CERS6: variants seen among roughly 807,000 people sequenced by gnomAD.
CERS6 encodes LAG1 homolog, ceramide synthase 6.
In CERS6, 26 loss-of-function variants were observed where a neutral mutation model predicts 56.8. The observed-to-expected ratio is 0.46, with a 90% CI of 0.34 to 0.63. The LOEUF (loss-of-function observed/expected upper bound fraction) is 0.63, where lower values mean the gene tolerates loss of function less well. CERS6 is among the 30% of genes least tolerant of loss of function. CERS6 has a pLI of 0.01. For synonymous variants in CERS6, 164 were observed against 173.3 expected (o/e 0.95, Z 0.42); for missense variants, 415 against 467.5 (o/e 0.89, Z 1.04).
intron 8 of CERS6, among the ~76,000 whole-genome samples, chr2:168,752,556 T>G (rs1684304744): frequency 6.6e-6 from 1 of 152,216 alleles, no homozygotes. Flanking sequence ...TGTATTCATA[T>G]TCCTGGTTGC....
At position 168,774,542 on chromosome 2, in the gene CERS6, A is replaced by G. The variant is rs1269682452; in HGVS notation, c.*4880A>G. 6.6e-6 allele frequency: 1 copy of G among 152,196 alleles called. No homozygotes were observed. The highest frequency in any genetic ancestry group is 1.9e-4 in the East Asian group (1 of 5,194). The allele number at this position is 152,196 out of a possible 1,614,324, so 9.4% of individuals were successfully genotyped here. The stretch of plus-strand genomic sequence containing the variant: ...AACTATTGAGATGGTTTCTGTGTTC[A>G]GTGAAAAATTCTATTTCATTGAGAC... On this transcript the variant is annotated 3_prime_UTR_variant, in exon 10 of 10. Transcript: ENST00000305747.
Position 168,658,974 on chromosome 2 carries a change from C to T in CERS6, c.465+27932C>T, listed in dbSNP as rs1046876131. Reference sequence around the variant, plus strand: ...TCTTGTGAAACCTGTCACTGGATATCGTGAGAATATCAGGATACCCTGTAT... The same window carrying T: ...TCTTGTGAAACCTGTCACTGGATATTGTGAGAATATCAGGATACCCTGTAT... On this transcript the variant is annotated intron_variant, in intron 4 of 9. Coordinates refer to ENST00000305747, the MANE Select transcript of CERS6 (RefSeq NM_203463.3). Among the ~76,000 whole-genome samples, 14 of 152,310 alleles carry T rather than the reference C, an allele frequency of 9.2e-5. No homozygotes were observed. The South Asian group carries it at 2.7e-3, about 29-fold the overall frequency.
chr2:168,725,614 T>G (rs1032497200), intron 8 of CERS6, among the ~76,000 whole-genome samples: 12 of 152,376 alleles, frequency 7.9e-5, no homozygotes, highest in African/African-American at 2.9e-4. Context: ...CTGTATGTAG[T>G]CAAGATCAAA....
chr2:168,533,374 G>C (rs941698624), intron 1 of CERS6, among the ~76,000 whole-genome samples: 1 of 152,194 alleles, frequency 6.6e-6, no homozygotes, highest in African/African-American at 2.4e-5. Flanking sequence ...GAATAGACTG[G>C]AATAGTTTGG....
At chr2:168,545,928 A>G (rs548007446) in intron 1 of CERS6, among the ~76,000 whole-genome samples, 7 of 152,294 alleles carry the variant, frequency 4.6e-5, no homozygotes, top group African/African-American at 1.4e-4. Context: ...GAGGAGTCCA[A>G]CTGGAAAGAC....
chr2:168,576,931 G>A lies in CERS6; in HGVS notation c.407+15609G>A, dbSNP rs79409724. On this transcript the variant is annotated intron_variant, in intron 3 of 9. Coordinates refer to ENST00000305747, the MANE Select transcript of CERS6 (RefSeq NM_203463.3). Reference sequence around the variant, plus strand: ...AGACAGAAGGAGTTGCCCTTGAGTGGGTTGAGGAAGCGTGAGGGAGGAGCA... The same window carrying A: ...AGACAGAAGGAGTTGCCCTTGAGTGAGTTGAGGAAGCGTGAGGGAGGAGCA... Among the ~76,000 whole-genome samples the A allele has an allele frequency of 5.9e-5, 9 of 152,312 alleles. No homozygotes were observed. The East Asian group carries it at 1.7e-3, about 29-fold the overall frequency.
chr2:168,548,566 A>G (rs555412216), intron 2 of CERS6, among the ~76,000 whole-genome samples: 1 of 152,382 alleles, frequency 6.6e-6, no homozygotes, highest in East Asian at 1.9e-4. Context: ...CATATATTAA[A>G]TGGCTCATTT....
At chr2:168,690,883 T>A in intron 4 of CERS6, 151 bp from the exon 5 acceptor site, 1 of 657,490 alleles carries the variant, frequency 1.5e-6, no homozygotes, top group Non-Finnish European at 2.7e-6. Flanking sequence ...TGCTTTAATA[T>A]CCTATGCCTA....
At chr2:168,628,857 A>G (rs1020378852) in intron 3 of CERS6, among the ~76,000 whole-genome samples, 4 of 150,584 alleles carry the variant, frequency 2.7e-5, no homozygotes, top group Non-Finnish European at 5.9e-5. Flanking sequence ...TTCTAGCAGT[A>G]GGTTGAAGGT....
At chr2:168,639,765 C>G (rs1357047468) in intron 4 of CERS6, among the ~76,000 whole-genome samples, 3 of 152,098 alleles carry the variant, frequency 2.0e-5, no homozygotes, top group African/African-American at 7.2e-5. Flanking sequence ...GATTATAGCT[C>G]TGTGTGTGGT....
chr2:168,477,218 A>AGAGAGAGT (rs1391712992), intron 1 of CERS6, among the ~76,000 whole-genome samples: 1 of 132,416 alleles, frequency 7.6e-6, no homozygotes, highest in African/African-American at 2.9e-5. Flanking sequence ...AGAGAGAGAG[A>AGAGAGAGT]GTCTCATAGG....
At chr2:168,505,155 C>G (rs1312155896) in intron 1 of CERS6, among the ~76,000 whole-genome samples, 1 of 151,762 alleles carries the variant, frequency 6.6e-6, no homozygotes, top group Non-Finnish European at 1.5e-5. Flanking sequence ...GCGGGCTATT[C>G]CCTTGAGCCC....
chr2:168,536,194 T>C (rs915833564), intron 1 of CERS6, among the ~76,000 whole-genome samples: 3 of 152,226 alleles, frequency 2.0e-5, no homozygotes, highest in Admixed American at 2.0e-4. Context: ...AATTCAATTC[T>C]TCAGATTCAC....
At chr2:168,485,815 G>C (rs1017942351) in intron 1 of CERS6, among the ~76,000 whole-genome samples, 1 of 152,166 alleles carries the variant, frequency 6.6e-6, no homozygotes, top group African/African-American at 2.4e-5. Context: ...TTTGTGTGTA[G>C]GTTTTTGTGA....
chr2:168,514,459 A>T (rs918270886), intron 1 of CERS6, among the ~76,000 whole-genome samples: 1 of 152,240 alleles, frequency 6.6e-6, no homozygotes, highest in East Asian at 1.9e-4. Context: ...GGTGAGATAC[A>T]TGCTGTCAGT....
At chr2:168,694,898 G>A in intron 5 of CERS6, 61 bp from the exon 6 acceptor site, 1 of 1,287,362 alleles carries the variant, frequency 7.8e-7, no homozygotes, top group Non-Finnish European at 1.1e-6. Context: ...TGAGATGTCT[G>A]GGATACAAAT....
intron 1 of CERS6, among the ~76,000 whole-genome samples, chr2:168,528,622 G>T (rs1169232034): frequency 1.7e-5 from 1 of 57,614 alleles, no homozygotes; most frequent in African/African-American, 5.3e-5. Context: ...TGACATAAGG[G>T]AGTTAGGCAG....
At chr2:168,544,496 A>G (rs547532924) in intron 1 of CERS6, among the ~76,000 whole-genome samples, 2 of 152,156 alleles carry the variant, frequency 1.3e-5, no homozygotes, top group East Asian at 3.9e-4. Context: ...TGGGGGCCCC[A>G]CACACAGGAG....
chr2:168,710,811 C>T (rs895030193), intron 6 of CERS6, among the ~76,000 whole-genome samples: 1 of 152,180 alleles, frequency 6.6e-6, no homozygotes, highest in Admixed American at 6.5e-5. Context: ...ACTTATTAAA[C>T]TCAGAGTATG....
Sources: allele counts gnomAD v4.1 joint callset (sites outside exome capture counted in the v4.1 genomes callset), GRCh38; gene constraint gnomAD v4.1.1; transcripts MANE v1.5; gene names NCBI Gene and HGNC (gene_info 2026-07-23, HGNC 2026-07-21).